The following PAN3 variants were observed in gnomAD, a reference collection of about 807,000 sequenced individuals.
The protein encoded by PAN3 is poly(A) specific ribonuclease subunit PAN3, also known as PAN2-PAN3 deadenylation complex subunit PAN3.
Under a neutral mutation model 96.2 loss-of-function variants are expected in PAN3, and 19 were observed. The observed-to-expected ratio is 0.20, with a 90% CI of 0.14 to 0.29. PAN3 has a LOEUF of 0.29. Ranked by LOEUF, PAN3 falls within the 10% of genes least tolerant of loss-of-function variation. The pLI is 1.00. For synonymous variants in PAN3, 433 were observed against 406.6 expected, an observed-to-expected ratio of 1.06 and a Z score of -0.78; for missense variants, 882 against 1,108.1, an observed-to-expected ratio of 0.80 and a Z score of 2.90.
chr13:28,217,436 G>A (rs1041146244), intron 5 of PAN3, among the ~76,000 whole-genome samples: 1 of 152,018 alleles, frequency 6.6e-6, no homozygotes, highest in Non-Finnish European at 1.5e-5. Flanking sequence ...ATAAAAATTA[G>A]CCAGGCTTGG....
At chr13:28,198,075 C>A (rs1878274668) in intron 5 of PAN3, among the ~76,000 whole-genome samples, 1 of 151,870 alleles carries the variant, frequency 6.6e-6, no homozygotes. Flanking sequence ...AAGTTTAAGA[C>A]CAGCCTGGCC....
chr13:28,218,862 T>C (rs1265119053), intron 5 of PAN3, among the ~76,000 whole-genome samples: 1 of 152,202 alleles, frequency 6.6e-6, no homozygotes, highest in Non-Finnish European at 1.5e-5. Context: ...TAATCTTGCG[T>C]AATCCTGAAG....
chr13:28,197,005 G>A (rs768106117), intron 4 of PAN3, among the ~76,000 whole-genome samples, 180 bp from the exon 5 acceptor site: 25 of 152,164 alleles, frequency 1.6e-4, no homozygotes, highest in Non-Finnish European at 3.2e-4. Context: ...TTATTTTGGA[G>A]GTGTGGGTTT....
chr13:28,227,455 C>T (rs939851980), intron 6 of PAN3, among the ~76,000 whole-genome samples: 1 of 152,170 alleles, frequency 6.6e-6, no homozygotes, highest in African/African-American at 2.4e-5. Flanking sequence ...CAGTGATCTA[C>T]AGCTGCAGCA....
intron 5 of PAN3, among the ~76,000 whole-genome samples, chr13:28,213,611 T>C (rs986420249): frequency 1.3e-5 from 2 of 151,672 alleles, no homozygotes; most frequent in Non-Finnish European, 2.9e-5. Context: ...ACTATGGTTA[T>C]GTAAGATGTT....
intron 6 of PAN3, among the ~76,000 whole-genome samples, chr13:28,244,229 CT>C (rs1883963073): frequency 6.6e-6 from 1 of 152,062 alleles, no homozygotes; most frequent in Non-Finnish European, 1.5e-5. Context: ...CAATTTTTGT[CT>C]CTTGAAGAAG....
At chr13:28,271,259 C>T (rs555749421) in intron 13 of PAN3, among the ~76,000 whole-genome samples, 1 of 152,236 alleles carries the variant, frequency 6.6e-6, no homozygotes, top group East Asian at 1.9e-4. Context: ...GCATTGGGGC[C>T]TAAGTATTTG....
At chr13:28,156,911 C>T (rs561976850) in intron 1 of PAN3, among the ~76,000 whole-genome samples, 2 of 137,440 alleles carry the variant, frequency 1.5e-5, no homozygotes, top group South Asian at 4.9e-4. Flanking sequence ...GGAAGGATGG[C>T]TTGGGCCTGG....
intron 6 of PAN3, among the ~76,000 whole-genome samples, chr13:28,242,539 A>C (rs1388318006): frequency 6.6e-6 from 1 of 152,196 alleles, no homozygotes; most frequent in Admixed American, 6.5e-5. Flanking sequence ...TGATGGGAAT[A>C]ATTTTTAGAT....
rs530386245 is a variant in PAN3, at chr13:28,203,365, A to G, written c.852+6019A>G. Among the ~76,000 whole-genome samples the G allele has an allele frequency of 5.9e-5, 9 of 152,198 alleles. No homozygotes were observed. In the East Asian group the frequency reaches 9.7e-4, roughly 16 times the overall value. On this transcript the variant is annotated intron_variant, in intron 5 of 18. Transcript: ENST00000380958. Reference sequence around the variant, plus strand: ...GTTGCCCAGGCAGGCATGCAGTGGTATCGTCATGGCCCACTGCAGCGTCTA... The same window carrying G: ...GTTGCCCAGGCAGGCATGCAGTGGTGTCGTCATGGCCCACTGCAGCGTCTA...
chr13:28,166,407 G>T (rs1873543032), intron 1 of PAN3, among the ~76,000 whole-genome samples: 1 of 152,188 alleles, frequency 6.6e-6, no homozygotes, highest in Admixed American at 6.5e-5. Flanking sequence ...TGGACACACT[G>T]GGACTGGGGG....
chr13:28,238,179 A>G (rs1883274977), intron 6 of PAN3, among the ~76,000 whole-genome samples: 1 of 152,234 alleles, frequency 6.6e-6, no homozygotes, highest in Admixed American at 6.5e-5. Context: ...ACATAGGTTA[A>G]GGAGGCTGGA....
chr13:28,142,234 G>A (rs532090368), intron 1 of PAN3, among the ~76,000 whole-genome samples: 2 of 152,294 alleles, frequency 1.3e-5, no homozygotes, highest in East Asian at 3.9e-4. Context: ...GTTGGTAATT[G>A]TATGGCTTTT....
At chr13:28,147,694 C>T (rs1253719022) in intron 1 of PAN3, among the ~76,000 whole-genome samples, 1 of 152,186 alleles carries the variant, frequency 6.6e-6, no homozygotes, top group Non-Finnish European at 1.5e-5. Context: ...GATTAAACCT[C>T]AAAATCTGAA....
At chr13:28,146,302 C>CTG (rs1248787901) in intron 1 of PAN3, among the ~76,000 whole-genome samples, 1 of 129,312 alleles carries the variant, frequency 7.7e-6, no homozygotes, top group Admixed American at 7.4e-5. Flanking sequence ...CTTTCTCTGT[C>CTG]TCTCTCTCTC....
At chr13:28,258,008 A>G (rs1045825704) in intron 7 of PAN3, among the ~76,000 whole-genome samples, 21 of 151,606 alleles carry the variant, frequency 1.4e-4, no homozygotes, top group Non-Finnish European at 2.4e-4. Flanking sequence ...ATGAGGTTTC[A>G]CCCAGTTGAT....
intron 4 of PAN3, among the ~76,000 whole-genome samples, chr13:28,196,489 TATTC>T (rs1322229681): frequency 4.0e-5 from 6 of 151,732 alleles, no homozygotes; most frequent in African/African-American, 1.4e-4. Context: ...TTGAATAATT[TATTC>T]ATTATCAATC....
chr13:28,212,461 A>C (rs1880161374), intron 5 of PAN3, among the ~76,000 whole-genome samples: 2 of 152,230 alleles, frequency 1.3e-5, no homozygotes, highest in South Asian at 2.1e-4. Context: ...TGTAATTAAA[A>C]GTACCAGACA....
In PAN3 at chr13:28,261,514, G is replaced by A. The variant is rs1593588248; in HGVS notation, c.1411+56G>A. The stretch of plus-strand genomic sequence containing the variant: ...TAAAGGCTGTTATAATTCTTACGTG[G>A]TAGTACATGTTTTATGCATTATTAA... On this transcript the variant is annotated intron_variant, in intron 9 of 18. Coordinates refer to ENST00000380958, the MANE Select transcript of PAN3 (RefSeq NM_175854.8). 5 of 1,480,854 alleles carry A rather than the reference G, an allele frequency of 3.4e-6. No individual in the cohort carries two copies. The East Asian group carries it at 9.2e-5, about 27-fold the overall frequency. The allele number at this position is 1,480,854 out of a possible 1,614,324, so 91.7% of individuals were successfully genotyped here. A position where few individuals can be genotyped will look rare whatever the true frequency, so the allele number is the denominator to read the frequency against.
Sources: gnomAD v4.1 joint callset for allele counts (sites outside exome capture counted in the v4.1 genomes callset) on GRCh38, gnomAD v4.1.1 for gene constraint, MANE v1.5 for transcripts, NCBI Gene and HGNC (gene_info 2026-07-23, HGNC 2026-07-21) for gene names.